The following PHAX variants were observed in gnomAD, a reference collection of about 807,000 sequenced individuals.
The protein encoded by PHAX is phosphorylated adapter RNA export protein.
A neutral mutation model predicts 41.6 loss-of-function variants in PHAX; 31 were observed. The observed-to-expected ratio is 0.75, with a 90% confidence interval of 0.56 to 1.01. PHAX has a LOEUF of 1.01. PHAX is among the 50% of genes least tolerant of loss of function. The pLI is 0.00. For synonymous variants in PHAX, 175 were observed against 164.9 expected (o/e 1.06, Z -0.47); for missense variants, 453 against 472.9 (o/e 0.96, Z 0.39).
At chr5:126,611,746 G>A (rs980509434) in intron 3 of PHAX, among the ~76,000 whole-genome samples, 6 of 151,134 alleles carry the variant, frequency 4.0e-5, no homozygotes, top group East Asian at 1.9e-4. Flanking sequence ...AACTGTAATC[G>A]TGCCACTGCG....
chr5:126,622,442 ATTTTTTTTTTTT>A (rs56297404), intron 4 of PHAX, among the ~76,000 whole-genome samples: 7 of 56,070 alleles, frequency 1.2e-4, no homozygotes, highest in African/African-American at 3.1e-4. Flanking sequence ...TAATTTTTGT[ATTTTTTTTTTTT>A]TTTTTTTTTT....
intron 3 of PHAX, among the ~76,000 whole-genome samples, chr5:126,613,160 C>T (rs1453801912): frequency 6.6e-6 from 1 of 152,090 alleles, no homozygotes; most frequent in Non-Finnish European, 1.5e-5. Context: ...ACCAGCCTGT[C>T]CAACATGGTG....
intron 2 of PHAX, among the ~76,000 whole-genome samples, chr5:126,606,455 T>C (rs1751988421): frequency 6.6e-6 from 1 of 152,182 alleles, no homozygotes; most frequent in African/African-American, 2.4e-5. Flanking sequence ...GTGGTGGGAT[T>C]AGAGGCGTAA....
At chr5:126,619,777 G>A (rs1752240711) in intron 4 of PHAX, among the ~76,000 whole-genome samples, 1 of 152,088 alleles carries the variant, frequency 6.6e-6, no homozygotes, top group African/African-American at 2.4e-5. Context: ...CTACAGTATG[G>A]ATTTTTCAAA....
intron 2 of PHAX, among the ~76,000 whole-genome samples, chr5:126,605,780 T>C (rs889926734): frequency 9.9e-5 from 15 of 152,262 alleles, no homozygotes; most frequent in Admixed American, 3.3e-4. Context: ...TTTAGTGCCA[T>C]AGAGCTTTTT....
rs1752297129 is a variant in PHAX at position 126,623,144 on chromosome 5, A to G, written c.916-1431A>G. Among the ~76,000 whole-genome samples, 6 of 151,996 alleles carry G rather than the reference A, an allele frequency of 3.9e-5. No individual in the cohort carries two copies. The South Asian group carries it at 1.2e-3, about 32-fold the overall frequency. On this transcript the variant is annotated intron_variant, in intron 4 of 4. Transcript: ENST00000297540. ...CTGTCTCAAAAAAAAAAGAAGAAGA[A>G]AAAAAATAAGAATGTAGGAGAAATC...
chr5:126,621,323 G>C (rs1289505540), intron 4 of PHAX, among the ~76,000 whole-genome samples: 1 of 152,018 alleles, frequency 6.6e-6, no homozygotes, highest in Non-Finnish European at 1.5e-5. Context: ...TTAGTAGCTG[G>C]GACTGTAGGG....
chr5:126,612,905 A>T (rs2112833805), intron 3 of PHAX, among the ~76,000 whole-genome samples: 1 of 152,294 alleles, frequency 6.6e-6, no homozygotes, highest in Non-Finnish European at 1.5e-5. Flanking sequence ...GGAGGATGTA[A>T]GAAAAGGAAG....
chr5:126,604,083 A>T lies in PHAX; in HGVS notation c.610A>T (p.Lys204Ter). The change falls in exon 2 of 5, where the codon AAA becomes TAA. Residue 204 changes from lysine to a stop codon, truncating the protein, a stop_gained. Transcript: ENST00000297540. LOFTEE classifies it high-confidence loss of function. ...TCATCTCAAAAGGAAACGACCTGTC[A>T]AAGACAGGCTAGGGAACAGACCAGA... ...QGHLKRKRPV[K>*]DRLGNRPEMN... 1 of 1,613,824 alleles carries T rather than the reference A, an allele frequency of 6.2e-7. No individual in the cohort carries two copies. The highest frequency in any genetic ancestry group is 8.5e-7 in the Non-Finnish European group (1 of 1,179,968).
chr5:126,618,231 C>T (rs139116792), intron 4 of PHAX, among the ~76,000 whole-genome samples: 93 of 152,236 alleles, frequency 6.1e-4, no homozygotes, highest in Admixed American at 4.1e-3. Context: ...TGAGCCACCA[C>T]GCCTGGCCTA....
At chr5:126,607,388 C>CTTTTTTTTTTTT (rs58375322) in intron 2 of PHAX, among the ~76,000 whole-genome samples, 1 of 85,404 alleles carries the variant, frequency 1.2e-5, no homozygotes, top group African/African-American at 5.0e-5. Context: ...GGTCTGAATT[C>CTTTTTTTTTTTT]TTTTTTTTTT....
At position 126,605,035 on chromosome 5, in the gene PHAX, G is replaced by GA. The variant is rs1200134872; in HGVS notation, c.710+865dup. 3.1e-3 allele frequency among the ~76,000 whole-genome samples: 442 copies of GA among 142,348 alleles called. 1 individual carries two copies. The highest frequency in any genetic ancestry group is 7.5e-3 in the African/African-American group (293 of 39,176). The allele number at this position is 142,348 out of a possible 152,430, so 93.4% of individuals were successfully genotyped here. The stretch of plus-strand genomic sequence containing the variant: ...GGTGACAGAACTAGACTCCATCTCA[G>GA]AAAAAAAAAAAAATTAGGAGTTTCA... On this transcript the variant is annotated intron_variant, in intron 2 of 4. Transcript: ENST00000297540.
chr5:126,612,866 G>A (rs750704626), intron 3 of PHAX, among the ~76,000 whole-genome samples: 15 of 152,096 alleles, frequency 9.9e-5, no homozygotes, highest in African/African-American at 2.9e-4. Flanking sequence ...TGGAAGATAC[G>A]GCCAACAGAA....
At chr5:126,611,304 TCGGCCTCCCAAAG>T (rs1752094238) in intron 3 of PHAX, among the ~76,000 whole-genome samples, 1 of 151,648 alleles carries the variant, frequency 6.6e-6, no homozygotes, top group African/African-American at 2.4e-5. Context: ...TCTGCCGGCC[TCGGCCTCCCAAAG>T]TGCTGGGATT....
rs1581417770 is a variant in PHAX at position 126,608,802 on chromosome 5, G to A, written c.831+318G>A. On this transcript the variant is annotated intron_variant, in intron 3 of 4. Transcript: ENST00000297540. ...AAATACAAAATTAGCCAAGCGTGGT[G>A]GCACATACCTGTAATCGCAGCTACT... is the stretch of plus-strand genomic sequence containing the variant. Among the ~76,000 whole-genome samples, 5 of 151,922 alleles carry A rather than the reference G, an allele frequency of 3.3e-5. No individual in the cohort carries two copies. The South Asian group carries it at 1.0e-3, about 32-fold the overall frequency.
intron 2 of PHAX, among the ~76,000 whole-genome samples, chr5:126,607,405 TTTTTTTTTTTGA>T (rs1278340811): frequency 7.8e-6 from 1 of 128,180 alleles, no homozygotes. Context: ...TTTTTTTTTT[TTTTTTTTTTTGA>T]GACGGAGTTT....
intron 3 of PHAX, among the ~76,000 whole-genome samples, chr5:126,616,161 C>A (rs536665853): frequency 6.6e-6 from 1 of 151,196 alleles, no homozygotes; most frequent in Non-Finnish European, 1.5e-5. Context: ...GGCACAGTCT[C>A]GGTTCACTGC....
At chr5:126,609,433 G>C (rs775398183) in intron 3 of PHAX, among the ~76,000 whole-genome samples, 1 of 151,992 alleles carries the variant, frequency 6.6e-6, no homozygotes, top group Non-Finnish European at 1.5e-5. Context: ...ACAAAGTCTA[G>C]GGGAGCCTAG....
At chr5:126,607,708 C>G (rs1387259846) in intron 2 of PHAX, among the ~76,000 whole-genome samples, 1 of 152,102 alleles carries the variant, frequency 6.6e-6, no homozygotes, top group Non-Finnish European at 1.5e-5. Flanking sequence ...CAGCTGAATT[C>G]TTGATCTGTT....
Sources: gnomAD v4.1 joint callset for allele counts (sites outside exome capture counted in the v4.1 genomes callset) on GRCh38, gnomAD v4.1.1 for gene constraint, MANE v1.5 for transcripts, NCBI Gene and HGNC (gene_info 2026-07-23, HGNC 2026-07-21) for gene names.